The following TEX48 variants were observed in gnomAD, a reference collection of about 807,000 sequenced individuals.
TEX48 encodes testis expressed 48, also known as testis-expressed protein 48.
In TEX48, 10 loss-of-function variants were observed where a neutral mutation model predicts 13.2. That is an observed-to-expected ratio of 0.75 (90% CI 0.47 to 1.28). TEX48 has a LOEUF of 1.28. Ranked by LOEUF, TEX48 falls within the 50% of genes most tolerant of loss-of-function variation. The pLI is 0.00. For synonymous variants in TEX48, 45 were observed against 52.3 expected (o/e 0.86, Z 0.60); for missense variants, 116 against 139.4 (o/e 0.83, Z 0.84).
rs530170660 is a variant in TEX48, at chr9:114,666,631, C to T, written c.*12G>A. 252 of 1,472,984 alleles carry T rather than the reference C, an allele frequency of 1.7e-4. No homozygotes were observed. Among genetic ancestry groups the T allele is most frequent in the Non-Finnish European group, 2.1e-4 (232 of 1,097,132 alleles). 91.2% of individuals were successfully genotyped at this position (1,472,984 alleles called of 1,614,324 possible). A position where few individuals can be genotyped will look rare whatever the true frequency, so the allele number is the denominator to read the frequency against. On this transcript the variant is annotated 3_prime_UTR_variant, in exon 5 of 5. Coordinates refer to ENST00000436752, the MANE Select transcript of TEX48 (RefSeq NM_001199233.2). ...GATGCCCCAGCAGCTGTGCAGCCGC[C>T]GGCTAGAATGCTCAGGGCCTCCCAG...
chr9:114,674,602 TTTCCTTCCTTCCTTCCTTCCTTCC>T (rs770645165), intron 1 of TEX48, among the ~76,000 whole-genome samples: 33 of 54,438 alleles, frequency 6.1e-4, no homozygotes, highest in South Asian at 1.2e-3. Context: ...TCTCTTTTTC[TTTCCTTCCTTCCTTCCTTCCTTCC>T]TTCCTTCCTT....
chr9:114,669,234 A>G (rs1009680052), intron 3 of TEX48, among the ~76,000 whole-genome samples: 13 of 152,176 alleles, frequency 8.5e-5, no homozygotes, highest in Admixed American at 3.9e-4. Flanking sequence ...TAGTTTTTGA[A>G]TAATGTAAGA....
At position 114,671,387 on chromosome 9, in the gene TEX48, G is replaced by T. The variant is rs550813108; in HGVS notation, c.123C>A (p.Thr41=). Residue 41 remains threonine (T), a synonymous_variant, in exon 3 of 5, where the codon ACC becomes ACA. Transcript: ENST00000436752. ...GTGTCCTTATCTGATACCTACTTTG[G>T]GTCGATGGCTTGTGCTCCTGGGTTT... is the stretch of plus-strand genomic sequence containing the variant. ...PSQTQEHKPS[T]QNLLLQKDEL... The T allele has an allele frequency of 2.9e-5, 44 of 1,535,254 alleles. No individual in the cohort carries two copies. In the African/African-American group the frequency reaches 5.9e-4, roughly 21 times the overall value.
At chr9:114,668,786 A>G (rs924699288) in intron 3 of TEX48, among the ~76,000 whole-genome samples, 1 of 152,322 alleles carries the variant, frequency 6.6e-6, no homozygotes, top group East Asian at 1.9e-4. Context: ...TTTCCTATGC[A>G]TATTTTACAT....
chr9:114,681,065 AGCTTATG>A (rs2133770175), intron 1 of TEX48, among the ~76,000 whole-genome samples: 1 of 152,354 alleles, frequency 6.6e-6, no homozygotes, highest in South Asian at 2.1e-4. Context: ...CCACCAAAGC[AGCTTATG>A]GATATACAAG....
At chr9:114,666,824 A>G (rs1236450402) in intron 4 of TEX48, 78 bp from the exon 5 acceptor site, 3 of 736,362 alleles carry the variant, frequency 4.1e-6, no homozygotes, top group Non-Finnish European at 2.3e-6. Context: ...GGTTGTTTGT[A>G]TCCATTGCTG....
Position 114,666,651 on chromosome 9 carries a change from T to TG in TEX48, c.354_355insC (p.Arg119GlnfsTer18), listed in dbSNP as rs1408902796. 1 of 1,528,456 alleles carries TG rather than the reference T, an allele frequency of 6.5e-7. No individual in the cohort carries two copies. The highest frequency in any genetic ancestry group is 1.4e-5 in the African/African-American group (1 of 72,762). The allele number at this position is 1,528,456 out of a possible 1,614,324, so 94.7% of individuals were successfully genotyped here. On this transcript the variant is annotated frameshift_variant, in exon 5 of 5. Transcript: ENST00000436752. LOFTEE classifies it high-confidence loss of function. Reference sequence around the variant, plus strand: ...GCCGCCGGCTAGAATGCTCAGGGCCTCCCAGTGAGGCATGGCTGGAATGGC... The same window carrying TG: ...GCCGCCGGCTAGAATGCTCAGGGCCTGCCCAGTGAGGCATGGCTGGAATGGC...
At chr9:114,668,358 G>T in intron 3 of TEX48, 21 bp from the exon 4 acceptor site, 1 of 1,533,718 alleles carries the variant, frequency 6.5e-7, no homozygotes, top group Non-Finnish European at 8.7e-7. Context: ...GAATTCCACA[G>T]GGTCACGTGG....
rs183123367 is a variant in TEX48 at position 114,666,751 on chromosome 9, A to C, written c.260-5T>G. ...GGGAAGCATATGCATTCAGATCTGA[A>C]AGAAGAAAGGAAAAAATTATGCTGG... On this transcript the variant is annotated splice_polypyrimidine_tract_variant and splice_region_variant and intron_variant, in intron 4 of 4. Transcript: ENST00000436752. 2.7e-6 allele frequency: 4 copies of C among 1,475,692 alleles called. No homozygotes were observed. In the East Asian group the frequency reaches 9.9e-5, roughly 36 times the overall value. 91.4% of individuals were successfully genotyped at this position (1,475,692 alleles called of 1,614,324 possible). A position where few individuals can be genotyped will look rare whatever the true frequency, so the allele number is the denominator to read the frequency against.
chr9:114,668,154 C>T (rs1827876573), intron 4 of TEX48, 52 bp downstream of exon 4: 1 of 1,532,308 alleles, frequency 6.5e-7, no homozygotes, highest in Non-Finnish European at 8.7e-7. Flanking sequence ...TAGGACCAGG[C>T]TCCCTGTCTG....
intron 1 of TEX48, among the ~76,000 whole-genome samples, chr9:114,674,229 T>G (rs888222917): frequency 2.0e-5 from 3 of 152,182 alleles, no homozygotes; most frequent in Admixed American, 2.0e-4. Context: ...TCTTCCCTCC[T>G]GTCCACCCAC....
intron 1 of TEX48, among the ~76,000 whole-genome samples, chr9:114,676,014 C>T (rs1271400173): frequency 6.6e-6 from 1 of 152,258 alleles, no homozygotes; most frequent in Non-Finnish European, 1.5e-5. Context: ...GCTGGCCCAC[C>T]ATGTTTTCCT....
At chr9:114,678,191 TACTC>T (rs1828112136) in intron 1 of TEX48, among the ~76,000 whole-genome samples, 1 of 132,426 alleles carries the variant, frequency 7.6e-6, no homozygotes, top group South Asian at 2.3e-4. Context: ...ACCTTACTCT[TACTC>T]AAACCTTCTG....
intron 4 of TEX48, among the ~76,000 whole-genome samples, chr9:114,666,975 C>T (rs911651009): frequency 1.3e-5 from 2 of 152,184 alleles, no homozygotes; most frequent in South Asian, 2.1e-4. Context: ...AGTAGGCTGT[C>T]TTGCAAAGCA....
At position 114,668,252 on chromosome 9, in the gene TEX48, CA is replaced by C. The variant is rs1158278021; in HGVS notation, c.212del (p.Leu71ArgfsTer18). The C allele has an allele frequency of 3.3e-6, 5 of 1,535,506 alleles. No individual in the cohort carries two copies. Among genetic ancestry groups the C allele is most frequent in the Middle Eastern group, 1.7e-4 (1 of 6,012 alleles). On this transcript the variant is annotated frameshift_variant, in exon 4 of 5. Transcript: ENST00000436752. LOFTEE classifies it low-confidence loss of function (END_TRUNC). ...AVSHLPSRTPLIQTKKSTSSS... is the reference protein window; with the variant it reads ...AVSHLPSRTPXIQTKKSTSSS... ...AGGAAGTGCTCTTTTTTGTCTGGAT[CA>C]GGGGTGTTCTCGAAGGCAAATGGGA...
chr9:114,676,625 T>C (rs974061281), intron 1 of TEX48, among the ~76,000 whole-genome samples: 7 of 151,418 alleles, frequency 4.6e-5, no homozygotes, highest in African/African-American at 1.7e-4. Context: ...ATTCACTTTT[T>C]TTTTTTTTTG....
intron 1 of TEX48, among the ~76,000 whole-genome samples, chr9:114,673,327 C>T (rs981375675): frequency 1.3e-5 from 2 of 151,914 alleles, no homozygotes; most frequent in African/African-American, 4.8e-5. Context: ...ACAAAACTAG[C>T]TGGGTGTGTG....
chr9:114,680,120 C>CTTTTTTTT (rs2079145442), intron 1 of TEX48, among the ~76,000 whole-genome samples: 3 of 52,130 alleles, frequency 5.8e-5, no homozygotes, highest in Admixed American at 2.4e-4. Context: ...TGTCATTGTC[C>CTTTTTTTT]CTTTTTTTTT....
chr9:114,674,686 TCTCA>T (rs1564317217), intron 1 of TEX48, among the ~76,000 whole-genome samples: 2 of 147,180 alleles, frequency 1.4e-5, no homozygotes, highest in South Asian at 2.3e-4. Context: ...TCTCTCTTGC[TCTCA>T]CTCTCTTTCT....
Sources: gnomAD v4.1 joint callset for allele counts (sites outside exome capture counted in the v4.1 genomes callset) on GRCh38, gnomAD v4.1.1 for gene constraint, MANE v1.5 for transcripts, NCBI Gene and HGNC (gene_info 2026-07-23, HGNC 2026-07-21) for gene names.